D2HGDH: variants seen among roughly 807,000 people sequenced by gnomAD.
D2HGDH encodes the protein D-2-hydroxyglutarate dehydrogenase.
D2HGDH carries 31 observed loss-of-function variants against 46.9 expected under a neutral mutation model. The ratio of observed to expected loss-of-function variants is 0.66; its 90% CI spans 0.50 to 0.89. D2HGDH has a LOEUF of 0.89. D2HGDH is among the 40% of genes least tolerant of loss of function. D2HGDH has a pLI of 0.00. For missense variants in D2HGDH, 698 were observed against 720.8 expected, an observed-to-expected ratio of 0.97 and a Z score of 0.36; for synonymous variants, 364 against 332.6, an observed-to-expected ratio of 1.09 and a Z score of -1.03.
At position 241,767,707 on chromosome 2, in the gene D2HGDH, C is replaced by T. The variant is rs762401665; in HGVS notation, c.1307-3C>T. On this transcript the variant is annotated splice_region_variant and splice_polypyrimidine_tract_variant and intron_variant, in intron 9 of 9. Transcript: ENST00000321264. ...CCTGACCCATGTGCCCTTGTCCCTC[C>T]AGGAGATGGTAACCTGCACCTCAAT... 34 of 1,612,644 alleles carry T rather than the reference C, an allele frequency of 2.1e-5. No individual in the cohort carries two copies. In the South Asian group the frequency reaches 3.6e-4, roughly 17 times the overall value.
intron 6 of D2HGDH, among the ~76,000 whole-genome samples, chr2:241,745,774 C>T (rs1199386579): frequency 6.6e-6 from 1 of 152,172 alleles, no homozygotes; most frequent in Non-Finnish European, 1.5e-5. Flanking sequence ...TCACTTCTGG[C>T]GTGTCTGAAA....
At chr2:241,758,490 T>A (rs1199823032) in intron 9 of D2HGDH, among the ~76,000 whole-genome samples, 2 of 152,130 alleles carry the variant, frequency 1.3e-5, no homozygotes, top group Non-Finnish European at 2.9e-5. Flanking sequence ...ACACCCTTTT[T>A]TTTGGTGGGG....
chr2:241,763,831 A>G (rs796982557), intron 9 of D2HGDH, among the ~76,000 whole-genome samples: 8 of 151,950 alleles, frequency 5.3e-5, no homozygotes, highest in African/African-American at 1.7e-4. Context: ...GGAGTTCAAG[A>G]CCAGCCTGGG....
At chr2:241,752,676 C>T (rs955823173) in intron 8 of D2HGDH, among the ~76,000 whole-genome samples, 1 of 151,944 alleles carries the variant, frequency 6.6e-6, no homozygotes, top group Non-Finnish European at 1.5e-5. Flanking sequence ...GGGGCGGGAA[C>T]GTGAGCCCAA....
chr2:241,755,327 G>A, intron 8 of D2HGDH: 1 of 1,303,640 alleles, frequency 7.7e-7, no homozygotes, highest in South Asian at 1.2e-5. Context: ...AGCTGCCTGG[G>A]CCCTGCTGTT....
chr2:241,748,246 A>G (rs536789247), intron 6 of D2HGDH, among the ~76,000 whole-genome samples: 1 of 151,946 alleles, frequency 6.6e-6, no homozygotes, highest in Non-Finnish European at 1.5e-5. Flanking sequence ...TCAGCCTCCC[A>G]AGTAGCTGGG....
chr2:241,758,507 T>C (rs1016665490), intron 9 of D2HGDH, among the ~76,000 whole-genome samples: 4 of 152,020 alleles, frequency 2.6e-5, no homozygotes, highest in African/African-American at 9.7e-5. Context: ...GGGGACAGGG[T>C]CTCGCTGTCA....
chr2:241,750,324 G>T (rs756216496), intron 7 of D2HGDH, 30 bp downstream of exon 7: 1 of 1,578,592 alleles, frequency 6.3e-7, no homozygotes, highest in South Asian at 1.1e-5. Context: ...GGGGCAGCTG[G>T]TCCTGCAGCT....
Position 241,768,134 on chromosome 2 carries a change from G to T in D2HGDH, c.*165G>T, listed in dbSNP as rs547869072. 30 of 1,103,516 alleles carry T rather than the reference G, an allele frequency of 2.7e-5. No homozygotes were observed. The South Asian group carries it at 4.1e-4, about 15-fold the overall frequency. The allele number at this position is 1,103,516 out of a possible 1,614,324, so 68.4% of individuals were successfully genotyped here. ...GGGGAACTGCCGGACGCAGGCCCTCGGGCAGGAGCATCTGGCAGAGTGGGG... is the reference window on the plus strand; with the variant it reads ...GGGGAACTGCCGGACGCAGGCCCTCTGGCAGGAGCATCTGGCAGAGTGGGG... On this transcript the variant is annotated 3_prime_UTR_variant, in exon 10 of 10. Coordinates refer to ENST00000321264, the MANE Select transcript of D2HGDH (RefSeq NM_152783.5).
In D2HGDH at chr2:241,743,894, C is replaced by T; in HGVS notation, c.684+79C>T. 1 of 1,507,994 alleles carries T rather than the reference C, an allele frequency of 6.6e-7. No individual in the cohort carries two copies. Among genetic ancestry groups the T allele is most frequent in the Non-Finnish European group, 9.0e-7 (1 of 1,112,386 alleles). The allele number at this position is 1,507,994 out of a possible 1,614,324, so 93.4% of individuals were successfully genotyped here. Reference sequence around the variant, plus strand: ...GCTCTCATGGGCCCACGTGGTGGCACAGGTGCATGGGGCCCCTCGGGGTGG... The same window carrying T: ...GCTCTCATGGGCCCACGTGGTGGCATAGGTGCATGGGGCCCCTCGGGGTGG... On this transcript the variant is annotated intron_variant, in intron 5 of 9. Transcript: ENST00000321264. This position sits in a 1 kb window ranked among gnomAD's most constrained non-coding sequence, Gnocchi z 4.8.
At chr2:241,737,135 A>C (rs1459528241) in intron 2 of D2HGDH, among the ~76,000 whole-genome samples, 1 of 152,068 alleles carries the variant, frequency 6.6e-6, no homozygotes, top group Non-Finnish European at 1.5e-5. Flanking sequence ...CGCCCGGCTC[A>C]TTCTTTTTGT....
chr2:241,735,369 C>A lies in D2HGDH; in HGVS notation c.145C>A (p.Arg49=), dbSNP rs779147231. The A allele has an allele frequency of 7.0e-6, 11 of 1,575,418 alleles. No individual in the cohort carries two copies. In the South Asian group the frequency reaches 1.0e-4, roughly 15 times the overall value. The change falls in exon 2 of 10, where the codon CGG becomes AGG. Residue 49 remains arginine, a synonymous_variant. Transcript: ENST00000321264. ...APGTPEVPLT[R]ERYPVRRLPF... is the part of the protein sequence containing the mutation. ...GGGGACCCCCGAGGTGCCGCTGACC[C>A]GGGAGCGCTACCCCGTGCGGCGCTT...
At chr2:241,744,512 T>C (rs1695355476) in intron 5 of D2HGDH, among the ~76,000 whole-genome samples, 197 bp from the exon 6 acceptor site, 1 of 152,190 alleles carries the variant, frequency 6.6e-6, no homozygotes, top group African/African-American at 2.4e-5. Context: ...GCCTCCCCAC[T>C]GCCCCCGACC....
chr2:241,736,673 T>C (rs1019192633), intron 2 of D2HGDH, among the ~76,000 whole-genome samples: 138 of 150,460 alleles, frequency 9.2e-4, no homozygotes, highest in African/African-American at 3.2e-3. Flanking sequence ...GTTTATCCGT[T>C]TTTTTTTTTT....
intron 8 of D2HGDH, among the ~76,000 whole-genome samples, chr2:241,752,739 G>A (rs1010867961): frequency 1.3e-5 from 2 of 151,864 alleles, no homozygotes; most frequent in Non-Finnish European, 2.9e-5. Context: ...CTGCTTTGCT[G>A]GAGTGGCAGT....
chr2:241,764,419 T>G (rs1699097183), intron 9 of D2HGDH, among the ~76,000 whole-genome samples: 1 of 152,216 alleles, frequency 6.6e-6, no homozygotes, highest in South Asian at 2.1e-4. Flanking sequence ...CTCAAAGAGC[T>G]GGCTGTGAAT....
rs1165369205 is a variant in D2HGDH, at chr2:241,750,275, C to T, written c.978C>T (p.His326=). The T allele has an allele frequency of 1.2e-6, 2 of 1,613,534 alleles. No individual in the cohort carries two copies. Among genetic ancestry groups the T allele is most frequent in the East Asian group, 2.2e-5 (1 of 44,876 alleles). ...TGCAGCTGGTCGGGCGCCATCTCCA[C>T]CTGGCCAGCCCGGTGCAAGGTACTG... ...VCMQLVGRHL[H]LASPVQESPF... is the part of the protein sequence containing the mutation. The change falls in exon 7 of 10, where the codon CAC becomes CAT. Residue 326 remains histidine (H), a synonymous_variant. Transcript: ENST00000321264.
chr2:241,739,999 G>T (rs1367298643), intron 2 of D2HGDH, among the ~76,000 whole-genome samples: 1 of 152,190 alleles, frequency 6.6e-6, no homozygotes, highest in Non-Finnish European at 1.5e-5. Context: ...ATCAAAATTA[G>T]CCGGGCATGG....
At chr2:241,755,625 G>T in intron 8 of D2HGDH, 1 of 1,527,020 alleles carries the variant, frequency 6.5e-7, no homozygotes. Context: ...AGCCACACCT[G>T]GTCTGGGGCA....
Sources: allele counts gnomAD v4.1 joint callset (sites outside exome capture counted in the v4.1 genomes callset), GRCh38; gene constraint gnomAD v4.1.1; non-coding constraint Gnocchi (gnomAD v3.1); transcripts MANE v1.5; gene names NCBI Gene and HGNC (gene_info 2026-07-23, HGNC 2026-07-21).